Variants in ZNF350 observed in about 807,000 individuals in gnomAD.
ZNF350 encodes the protein KRAB zinc finger protein ZFQR.
ZNF350 carries 5 observed loss-of-function variants against 13.1 expected under a neutral mutation model. That is an observed-to-expected ratio of 0.38 (90% CI 0.20 to 0.80). The LOEUF (loss-of-function observed/expected upper bound fraction) is 0.80. Ranked by LOEUF, ZNF350 falls within the 30% of genes least tolerant of loss-of-function variation. The pLI is 0.43. For missense variants in ZNF350, 534 were observed against 644.2 expected (o/e 0.83, Z 1.85); for synonymous variants, 199 against 224.2 (o/e 0.89, Z 1.00).
intron 1 of ZNF350, among the ~76,000 whole-genome samples, chr19:51,975,449 A>AC (rs942147847): frequency 1.2e-4 from 18 of 151,632 alleles, no homozygotes; most frequent in South Asian, 1.0e-3. Flanking sequence ...AAAAAAAAAA[A>AC]AAACTAGTAA....
rs776530308 is a variant in ZNF350 at position 51,964,817 on chromosome 19, T to C, written c.*37A>G. On this transcript the variant is annotated 3_prime_UTR_variant, in exon 5 of 5. Transcript: ENST00000243644. The stretch of plus-strand genomic sequence containing the variant: ...GGCCACATAATGAACTACAAATTTT[T>C]GCTCAACCCTTTTCCACATAGATCT... The C allele has an allele frequency of 6.4e-7, 1 of 1,569,350 alleles. No individual in the cohort carries two copies. The highest frequency in any genetic ancestry group is 1.2e-5 in the South Asian group (1 of 83,752).
chr19:51,985,078 A>G (rs1277328668), intron 1 of ZNF350, among the ~76,000 whole-genome samples: 1 of 152,242 alleles, frequency 6.6e-6, no homozygotes, highest in Non-Finnish European at 1.5e-5. Context: ...TGTGCTGACC[A>G]TATTCTATTT....
rs765122579 is a variant in ZNF350 at position 51,968,569 on chromosome 19, TTC to T, written c.238+7_238+8del. ...CTTCCATAGCCTTCTGTCTTGTGGG[TTC>T]TCTCACCTGAACAGGCTCCACTGTG... On this transcript the variant is annotated splice_region_variant and intron_variant, in intron 4 of 4. Transcript: ENST00000243644. 1 of 1,613,156 alleles carries T rather than the reference TTC, an allele frequency of 6.2e-7. No homozygotes were observed. Among genetic ancestry groups the T allele is most frequent in the Non-Finnish European group, 8.5e-7 (1 of 1,179,154 alleles).
intron 1 of ZNF350, among the ~76,000 whole-genome samples, chr19:51,984,516 G>C (rs952741128): frequency 6.6e-6 from 1 of 152,082 alleles, no homozygotes; most frequent in East Asian, 1.9e-4. Flanking sequence ...ATTTTCCTCC[G>C]AGGTGCACAT....
chr19:51,986,811 A>C lies in ZNF350; in HGVS notation c.-213T>G, dbSNP rs1241765467. 1 of 152,146 alleles carries C rather than the reference A, an allele frequency of 6.6e-6. No individual in the cohort carries two copies. Among genetic ancestry groups the C allele is most frequent in the Non-Finnish European group, 1.5e-5 (1 of 68,058 alleles). The allele number at this position is 152,146 out of a possible 1,614,324, so 9.4% of individuals were successfully genotyped here. On this transcript the variant is annotated 5_prime_UTR_variant, in exon 1 of 5. Coordinates refer to ENST00000243644, the MANE Select transcript of ZNF350 (RefSeq NM_021632.4). ...TACACAAGAAGGGCCTCAACGTTAC[A>C]CTTCCGTAAACTGCTCCTACTTCTG...
chr19:51,975,620 T>G (rs980696096), intron 1 of ZNF350, among the ~76,000 whole-genome samples: 2 of 152,318 alleles, frequency 1.3e-5, no homozygotes, highest in Admixed American at 6.5e-5. Context: ...TACATTACAT[T>G]AAGTATTTTA....
At chr19:51,981,015 G>A (rs1184062835) in intron 1 of ZNF350, 2 of 152,212 alleles carry the variant, frequency 1.3e-5, no homozygotes, top group Non-Finnish European at 2.9e-5. Context: ...AACAGAAAGG[G>A]GGATATGCAG....
chr19:51,982,404 T>C (rs2086065512), intron 1 of ZNF350, among the ~76,000 whole-genome samples: 1 of 152,254 alleles, frequency 6.6e-6, no homozygotes, highest in African/African-American at 2.4e-5. Flanking sequence ...GCAGCTGTCC[T>C]CATTTTGGCT....
intron 1 of ZNF350, among the ~76,000 whole-genome samples, chr19:51,977,672 T>C (rs1256699513): frequency 2.0e-5 from 3 of 152,222 alleles, no homozygotes; most frequent in Non-Finnish European, 4.4e-5. Flanking sequence ...CAAGATTACA[T>C]GAGGCACTGA....
intron 1 of ZNF350, among the ~76,000 whole-genome samples, chr19:51,985,516 A>G (rs1451651895): frequency 6.6e-6 from 1 of 152,222 alleles, no homozygotes; most frequent in Non-Finnish European, 1.5e-5. Context: ...GAATTGCACC[A>G]TACGCCTAAG....
In ZNF350 at chr19:51,966,221, A is replaced by G. The variant is rs2085563877; in HGVS notation, c.239-7T>C. The G allele has an allele frequency of 1.9e-6, 3 of 1,545,602 alleles. No homozygotes were observed. The East Asian group carries it at 6.8e-5, about 35-fold the overall frequency. ...TGATCAACTTTCCATATGTCTAGAA[A>G]GAAAAGAACAAAGATTTCTATCATT... On this transcript the variant is annotated splice_region_variant and splice_polypyrimidine_tract_variant and intron_variant, in intron 4 of 4. Coordinates refer to ENST00000243644, the MANE Select transcript of ZNF350 (RefSeq NM_021632.4).
At chr19:51,981,656 ATC>A (rs1300357390) in intron 1 of ZNF350, among the ~76,000 whole-genome samples, 1 of 152,182 alleles carries the variant, frequency 6.6e-6, no homozygotes, top group Non-Finnish European at 1.5e-5. Context: ...ACCAAAGATA[ATC>A]TGTTATAACT....
rs2122928525 is a variant in ZNF350, at chr19:51,976,656, A to G, written c.-171-2125T>C. On this transcript the variant is annotated intron_variant, in intron 1 of 4. Transcript: ENST00000243644. The surrounding 1 kb of genome is among the most constrained non-coding windows in gnomAD (Gnocchi z 4.5). ...CTGACTCAGGGTAACAAGGGAAAGA[A>G]TTTGTCTATTGAAGAAAAACATTAT... The G allele has an allele frequency of 6.6e-6, 1 of 152,350 alleles. No individual in the cohort carries two copies. Among genetic ancestry groups the G allele is most frequent in the South Asian group, 2.1e-4 (1 of 4,828 alleles). 9.4% of individuals were successfully genotyped at this position (152,350 alleles called of 1,614,324 possible). A position where few individuals can be genotyped will look rare whatever the true frequency, so the allele number is the denominator to read the frequency against.
intron 4 of ZNF350, among the ~76,000 whole-genome samples, chr19:51,967,880 C>T (rs2085623372): frequency 6.6e-6 from 1 of 152,140 alleles, no homozygotes; most frequent in Non-Finnish European, 1.5e-5. Flanking sequence ...CTTGCAGTTA[C>T]TAGGAACTCA....
intron 1 of ZNF350, among the ~76,000 whole-genome samples, chr19:51,979,068 C>T (rs2085969258): frequency 1.3e-5 from 2 of 152,180 alleles, no homozygotes; most frequent in South Asian, 4.2e-4. Context: ...CCCAGTCCCT[C>T]CTGTACGAGC....
intron 1 of ZNF350, chr19:51,983,931 G>A (rs573589586): frequency 6.6e-6 from 1 of 152,314 alleles, no homozygotes; most frequent in East Asian, 1.9e-4. Context: ...AGGTGTGGAG[G>A]GGCAGGCCCC....
intron 3 of ZNF350, 103 bp from the exon 4 acceptor site, chr19:51,968,776 C>A (rs1463972486): frequency 1.4e-6 from 2 of 1,439,760 alleles, no homozygotes; most frequent in Non-Finnish European, 1.9e-6. Flanking sequence ...TCTTAAAATA[C>A]CCAAAATTTA....
chr19:51,978,015 T>C (rs1174070868), intron 1 of ZNF350, among the ~76,000 whole-genome samples: 1 of 152,142 alleles, frequency 6.6e-6, no homozygotes, highest in Admixed American at 6.5e-5. Context: ...TGCAGTTCAC[T>C]CCCTAGCAGA....
chr19:51,971,835 G>A (rs995277251), intron 2 of ZNF350, among the ~76,000 whole-genome samples: 1 of 152,120 alleles, frequency 6.6e-6, no homozygotes, highest in Admixed American at 6.5e-5. Flanking sequence ...AGGTCTGTGC[G>A]GGTTACAAGT....
Sources: allele counts gnomAD v4.1 joint callset (sites outside exome capture counted in the v4.1 genomes callset), GRCh38; gene constraint gnomAD v4.1.1; non-coding constraint Gnocchi (gnomAD v3.1); transcripts MANE v1.5; gene names NCBI Gene and HGNC (gene_info 2026-07-23, HGNC 2026-07-21).